The following DYNC2H1 variants were observed in gnomAD, a reference collection of about 807,000 sequenced individuals.
The protein encoded by DYNC2H1 is cytoplasmic dynein 2 heavy chain 1.
DYNC2H1 carries 410 observed loss-of-function variants against 570.0 expected under a neutral mutation model. That is an observed-to-expected ratio of 0.72 (90% CI 0.66 to 0.78). The LOEUF is 0.78. DYNC2H1 is among the 30% of genes least tolerant of loss of function. The pLI, the probability that DYNC2H1 is intolerant of heterozygous loss-of-function variation, is 0.00. For synonymous variants in DYNC2H1, 1,688 were observed against 1,677.6 expected, an observed-to-expected ratio of 1.01 and a Z score of -0.15; for missense variants, 4,865 against 5,046.4, an observed-to-expected ratio of 0.96 and a Z score of 1.09.
chr11:103,122,803 G>A (rs1438354373), intron 10 of DYNC2H1, 22 bp from the exon 11 acceptor site: 3 of 1,600,672 alleles, frequency 1.9e-6, no homozygotes, highest in African/African-American at 2.7e-5. Flanking sequence ...TAATGCACAT[G>A]TCTGTAATTT....
At chr11:103,450,535 TA>T (rs1239913846) in intron 85 of DYNC2H1, among the ~76,000 whole-genome samples, 1 of 152,194 alleles carries the variant, frequency 6.6e-6, no homozygotes, top group East Asian at 1.9e-4. Flanking sequence ...AACAAAGATT[TA>T]TTGAAAATCC....
Position 103,156,742 on chromosome 11 carries a change from C to T in DYNC2H1, c.4099C>T (p.Arg1367Cys), listed in dbSNP as rs373078883. The change falls in exon 26 of 89, where the codon CGC becomes TGC. Residue 1367 changes from arginine to cysteine, a missense_variant. Physicochemically the swap from Arg to Cys is radical, Grantham distance 180. This residue lies in a region of DYNC2H1 where 1,936 missense variants were observed against 1,962.1 expected (regional missense o/e 0.99). Coordinates refer to ENST00000375735, the MANE Select transcript of DYNC2H1 (RefSeq NM_001377.3). The part of the protein sequence containing the change: ...GRGALPKEQT[R>C]FNRVDEDFRS... ...TGGAGCATTGCCAAAAGAACAGACACGCTTCAACAGAGTTGATGAAGATTT... is the reference window on the plus strand; with the variant it reads ...TGGAGCATTGCCAAAAGAACAGACATGCTTCAACAGAGTTGATGAAGATTT... 24 of 1,612,162 alleles carry T rather than the reference C, an allele frequency of 1.5e-5. No individual in the cohort carries two copies. Among genetic ancestry groups the T allele is most frequent in the East Asian group, 2.2e-5 (1 of 44,860 alleles).
intron 61 of DYNC2H1, 54 bp downstream of exon 61, chr11:103,234,214 A>G (rs1864134289): frequency 3.9e-6 from 6 of 1,525,402 alleles, no homozygotes; most frequent in South Asian, 1.3e-5. Context: ...CAGGAAATCT[A>G]TAATGTAATG....
chr11:103,236,274 C>T (rs1043989826), intron 62 of DYNC2H1, among the ~76,000 whole-genome samples, 156 bp from the exon 63 acceptor site: 1 of 151,834 alleles, frequency 6.6e-6, no homozygotes, highest in Non-Finnish European at 1.5e-5. Flanking sequence ...TTGTTTTAGA[C>T]TTTTTTCTCC....
At chr11:103,341,270 G>T (rs1939426774) in intron 82 of DYNC2H1, among the ~76,000 whole-genome samples, 1 of 152,150 alleles carries the variant, frequency 6.6e-6, no homozygotes, top group African/African-American at 2.4e-5. Context: ...CCTAGAATTT[G>T]TTTCCATAAG....
intron 84 of DYNC2H1, among the ~76,000 whole-genome samples, chr11:103,428,500 G>A (rs2135734899): frequency 6.6e-6 from 1 of 152,194 alleles, no homozygotes; most frequent in East Asian, 1.9e-4. Flanking sequence ...AAATATACAT[G>A]ACACAAAATT....
intron 17 of DYNC2H1, among the ~76,000 whole-genome samples, chr11:103,140,773 T>G (rs1014947118): frequency 6.6e-6 from 1 of 152,322 alleles, no homozygotes; most frequent in East Asian, 1.9e-4. Context: ...TTGGGGAAGT[T>G]CTCCTGGATA....
At chr11:103,310,704 A>T (rs1339345772) in intron 78 of DYNC2H1, among the ~76,000 whole-genome samples, 1 of 66,970 alleles carries the variant, frequency 1.5e-5, no homozygotes, top group Non-Finnish European at 3.2e-5. Flanking sequence ...TTTTTGGGAG[A>T]CTGAGTCTTG....
chr11:103,124,535 T>G (rs1031526260), intron 11 of DYNC2H1, among the ~76,000 whole-genome samples: 3 of 151,900 alleles, frequency 2.0e-5, no homozygotes, highest in Non-Finnish European at 4.4e-5. Context: ...CTGAATTTAG[T>G]TCAAGCATTT....
chr11:103,403,771 T>C (rs1371566799), intron 84 of DYNC2H1: 1 of 151,800 alleles, frequency 6.6e-6, no homozygotes, highest in Admixed American at 6.6e-5. Context: ...CTTCAAAGAG[T>C]TGAAGCTCTC....
Position 103,253,459 on chromosome 11 carries a change from A to T in DYNC2H1, c.10206+11A>T, listed in dbSNP as rs371667157. 8.8e-6 allele frequency: 14 copies of T among 1,583,478 alleles called. No individual in the cohort carries two copies. Among genetic ancestry groups the T allele is most frequent in the Non-Finnish European group, 1.1e-5 (13 of 1,162,292 alleles). On this transcript the variant is annotated intron_variant, in intron 66 of 88. Coordinates refer to ENST00000375735, the MANE Select transcript of DYNC2H1 (RefSeq NM_001377.3). ...GGATTACGAGGGCAGGTATACATAG[A>T]TAATAATAATTTACCTTGGAATCTT...
At chr11:103,123,856 C>T (rs1297637662) in intron 11 of DYNC2H1, among the ~76,000 whole-genome samples, 1 of 151,412 alleles carries the variant, frequency 6.6e-6, no homozygotes, top group African/African-American at 2.4e-5. Context: ...TTTTTTGTCC[C>T]ATAGAATCAT....
At chr11:103,376,315 T>C (rs1354749052) in intron 83 of DYNC2H1, among the ~76,000 whole-genome samples, 2 of 152,240 alleles carry the variant, frequency 1.3e-5, no homozygotes, top group African/African-American at 4.8e-5. Flanking sequence ...CCATTAATAT[T>C]TAAGGTTATT....
intron 82 of DYNC2H1, among the ~76,000 whole-genome samples, chr11:103,327,456 C>CA (rs1003924528): frequency 2.0e-5 from 3 of 151,866 alleles, no homozygotes; most frequent in African/African-American, 7.3e-5. Context: ...TCATAGGCTC[C>CA]AAAAAAGGAT....
intron 84 of DYNC2H1, among the ~76,000 whole-genome samples, chr11:103,431,612 A>G (rs1943897466): frequency 6.6e-6 from 1 of 152,176 alleles, no homozygotes; most frequent in Non-Finnish European, 1.5e-5. Context: ...TTTATTAATC[A>G]AAATAGGAAC....
At chr11:103,365,727 G>T (rs1365247320) in intron 83 of DYNC2H1, among the ~76,000 whole-genome samples, 1 of 152,064 alleles carries the variant, frequency 6.6e-6, no homozygotes, top group African/African-American at 2.4e-5. Flanking sequence ...CCCTTCAAAA[G>T]GTTTGAACAT....
intron 82 of DYNC2H1, among the ~76,000 whole-genome samples, chr11:103,340,225 G>C (rs1565509018): frequency 1.3e-5 from 2 of 152,102 alleles, no homozygotes; most frequent in Non-Finnish European, 2.9e-5. Context: ...GATTGCTGGA[G>C]GGTTCTATTT....
In DYNC2H1 at chr11:103,120,937, T is replaced by C; in HGVS notation, c.1261T>C (p.Phe421Leu). ...TATTTTATATTAGCTTCTTCAAGCA[T>C]TCCTGAAATATAAAGAGTTGGTAAA... is the stretch of plus-strand genomic sequence containing the variant. ...QDSPQQLLQAFLKYKELVKRP... is the reference protein window; with the variant it reads ...QDSPQQLLQALLKYKELVKRP... Residue 421 changes from phenylalanine to leucine, a missense_variant, in exon 9 of 89, where the codon TTC (phenylalanine) becomes CTC (leucine). Coordinates refer to ENST00000375735, the MANE Select transcript of DYNC2H1 (RefSeq NM_001377.3). 4 of 1,522,450 alleles carry C rather than the reference T, an allele frequency of 2.6e-6. No individual in the cohort carries two copies. Among genetic ancestry groups the C allele is most frequent in the Middle Eastern group, 3.6e-4 (2 of 5,622 alleles). The allele number at this position is 1,522,450 out of a possible 1,614,324, so 94.3% of individuals were successfully genotyped here.
At chr11:103,304,050 A>G (rs916194018) in intron 76 of DYNC2H1, among the ~76,000 whole-genome samples, 2 of 151,586 alleles carry the variant, frequency 1.3e-5, no homozygotes, top group African/African-American at 4.9e-5. Flanking sequence ...TTCAATTTGC[A>G]TGTAAATTTG....
Sources: gnomAD v4.1 joint callset for allele counts (sites outside exome capture counted in the v4.1 genomes callset) on GRCh38, gnomAD v4.1.1 for gene constraint, gnomAD v4.1.1 regional missense constraint, MANE v1.5 for transcripts, NCBI Gene and HGNC (gene_info 2026-07-23, HGNC 2026-07-21) for gene names.